The following DIAPH1 variants were observed in gnomAD, a reference collection of about 807,000 sequenced individuals.
DIAPH1 encodes protein diaphanous homolog 1.
Under a neutral mutation model 140.7 loss-of-function variants are expected in DIAPH1, and 46 were observed. The observed-to-expected ratio is 0.33, with a 90% confidence interval of 0.26 to 0.42. The LOEUF is 0.42. Among genes scored for constraint, DIAPH1 ranks in the 10% least tolerant of loss-of-function variants. DIAPH1 has a pLI of 1.00. For synonymous variants in DIAPH1, 565 were observed against 551.6 expected (o/e 1.02, Z -0.34); for missense variants, 1,310 against 1,558.7 (o/e 0.84, Z 2.69).
chr5:141,568,883 C>T (rs2099894754), intron 18 of DIAPH1, among the ~76,000 whole-genome samples: 2 of 152,126 alleles, frequency 1.3e-5, no homozygotes. Context: ...TGGCAACCAC[C>T]TGGACTGAAA....
chr5:141,618,976 CCCG>C lies in DIAPH1; in HGVS notation c.-65_-63del, dbSNP rs1224813404. The C allele has an allele frequency of 2.1e-5, 19 of 897,582 alleles. No individual in the cohort carries two copies. Among genetic ancestry groups the C allele is most frequent in the South Asian group, 1.3e-4 (5 of 39,446 alleles). 55.6% of individuals were successfully genotyped at this position (897,582 alleles called of 1,614,324 possible). A position where few individuals can be genotyped will look rare whatever the true frequency, so the allele number is the denominator to read the frequency against. On this transcript the variant is annotated 5_prime_UTR_variant, in exon 1 of 28. Transcript: ENST00000389054. ...GCCGCTCCCGCCTGGCAGCTCCGCG[CCCG>C]CCGCCGCCCAGTCGCTCTTTAGCCA...
intron 1 of DIAPH1, among the ~76,000 whole-genome samples, chr5:141,596,970 A>G (rs1370025009): frequency 6.6e-6 from 1 of 152,202 alleles, no homozygotes; most frequent in Non-Finnish European, 1.5e-5. Context: ...GGTCATTAGA[A>G]GTTTAAAATA....
chr5:141,585,472 G>A (rs565302432), intron 3 of DIAPH1, among the ~76,000 whole-genome samples: 13 of 152,128 alleles, frequency 8.5e-5, no homozygotes, highest in South Asian at 4.2e-4. Context: ...TCAAACAAAC[G>A]GTTTTTTCAA....
Position 141,573,874 on chromosome 5 carries a change from T to A in DIAPH1, c.1976A>T (p.Glu659Val). The A allele has an allele frequency of 6.6e-7, 1 of 1,519,498 alleles. No homozygotes were observed. The highest frequency in any genetic ancestry group is 8.8e-7 in the Non-Finnish European group (1 of 1,137,042). The allele number at this position is 1,519,498 out of a possible 1,614,324, so 94.1% of individuals were successfully genotyped here. A position where few individuals can be genotyped will look rare whatever the true frequency, so the allele number is the denominator to read the frequency against. Residue 659 changes from glutamate to valine, a missense_variant, in exon 16 of 28, where the codon GAG (glutamate) becomes GTG (valine). Glu to Val is a moderately radical substitution (Grantham distance 121). Transcript: ENST00000389054. The stretch of plus-strand genomic sequence containing the variant: ...AGAGGGTGAAGGGATGCCAACACCC[T>A]CAGGCAAAGGAGGGGGTGGAGGGAT... ...ATIPPPPPLP[E>V]GVGIPSPSSL...
At chr5:141,596,457 T>C (rs1023597643) in intron 1 of DIAPH1, among the ~76,000 whole-genome samples, 2 of 152,058 alleles carry the variant, frequency 1.3e-5, no homozygotes, top group African/African-American at 4.8e-5. Flanking sequence ...GAGATCACAT[T>C]GCTGACAACA....
In DIAPH1 at chr5:141,618,835, G is replaced by A. The variant is rs774909066; in HGVS notation, c.80C>T (p.Pro27Leu). 1.8e-5 allele frequency: 28 copies of A among 1,549,490 alleles called. No individual in the cohort carries two copies. Among genetic ancestry groups the A allele is most frequent in the African/African-American group, 1.1e-4 (8 of 72,480 alleles). The change falls in exon 1 of 28, where the codon CCC becomes CTC. Residue 27 changes from proline to leucine, a missense_variant. Physicochemically the swap from Pro to Leu is moderately conservative, Grantham distance 98. Around this residue, in one of 3 missense-constraint regions of DIAPH1, gnomAD observed 377 missense variants for 497.1 expected, o/e 0.76. Coordinates refer to ENST00000389054, the MANE Select transcript of DIAPH1 (RefSeq NM_005219.5). ...KKKGRSPDEL[P>L]SAGGDGGKSK... ...TTTGCCGCCGTCGCCGCCCGCCGAG[G>A]GCAGCTCATCTGGGCTCCGGCCCTT...
chr5:141,576,914 T>C, intron 12 of DIAPH1, 43 bp from the exon 13 acceptor site: 1 of 1,240,564 alleles, frequency 8.1e-7, no homozygotes, highest in Non-Finnish European at 1.2e-6. Flanking sequence ...AAAATCAAAA[T>C]ATAATTTTCA....
chr5:141,524,253 A>T, intron 26 of DIAPH1, 24 bp from the exon 27 acceptor site: 1 of 1,603,408 alleles, frequency 6.2e-7, no homozygotes. Flanking sequence ...CAAGATGGAG[A>T]TGTGAACTCT....
At chr5:141,533,220 G>A (rs914736060) in intron 19 of DIAPH1, among the ~76,000 whole-genome samples, 1 of 152,156 alleles carries the variant, frequency 6.6e-6, no homozygotes, top group African/African-American at 2.4e-5. Context: ...ATGCCTAATA[G>A]AGCCTATAAC....
At chr5:141,580,637 C>T in intron 8 of DIAPH1, 107 bp downstream of exon 8, 1 of 1,091,646 alleles carries the variant, frequency 9.2e-7, no homozygotes, top group Non-Finnish European at 1.4e-6. Flanking sequence ...CACAATCTTA[C>T]CTAGTATTTA....
chr5:141,528,378 C>G, intron 23 of DIAPH1, 75 bp downstream of exon 23: 2 of 1,602,910 alleles, frequency 1.2e-6, no homozygotes, highest in Non-Finnish European at 1.7e-6. Context: ...AAAATGCTCT[C>G]ACATCTAGAC....
At chr5:141,540,124 T>G (rs1194755289) in intron 18 of DIAPH1, among the ~76,000 whole-genome samples, 1 of 151,878 alleles carries the variant, frequency 6.6e-6, no homozygotes, top group Non-Finnish European at 1.5e-5. Flanking sequence ...GTTGTTTTTT[T>G]TCTTTTTTTT....
intron 3 of DIAPH1, among the ~76,000 whole-genome samples, chr5:141,586,595 T>G (rs1245628743): frequency 6.6e-6 from 1 of 152,222 alleles, no homozygotes; most frequent in East Asian, 1.9e-4. Flanking sequence ...CTTCTAGCAA[T>G]TCTATGTATT....
Position 141,580,853 on chromosome 5 carries a change from C to T in DIAPH1, c.715G>A (p.Glu239Lys), listed in dbSNP as rs2099896651. 3 of 1,614,194 alleles carry T rather than the reference C, an allele frequency of 1.9e-6. No homozygotes were observed. The highest frequency in any genetic ancestry group is 2.5e-6 in the Non-Finnish European group (3 of 1,180,030). The part of the protein sequence containing the change: ...FGIKTMLETE[E>K]GILLLVRAMD... ...GCTCTGACCAGCAGTAGGATTCCTT[C>T]TTCTGTCTCCAACATGGTCTTGATT... is the stretch of plus-strand genomic sequence containing the variant. Residue 239 changes from glutamate to lysine, a missense_variant, in exon 8 of 28, where the codon GAA becomes AAA. This residue lies in a region of DIAPH1 where 377 missense variants were observed against 497.1 expected (regional missense o/e 0.76). Coordinates refer to ENST00000389054, the MANE Select transcript of DIAPH1 (RefSeq NM_005219.5).
intron 18 of DIAPH1, among the ~76,000 whole-genome samples, chr5:141,562,860 T>A (rs1596369569): frequency 6.6e-6 from 1 of 152,304 alleles, no homozygotes; most frequent in Admixed American, 6.5e-5. Flanking sequence ...TTCTAGTATG[T>A]AGTAAGAGAG....
rs1258855952 is a variant in DIAPH1, at chr5:141,516,920, C to T, written c.3750G>A (p.Val1250=). The T allele has an allele frequency of 6.8e-6, 11 of 1,614,246 alleles. No individual in the cohort carries two copies. Among genetic ancestry groups the T allele is most frequent in the South Asian group, 1.1e-5 (1 of 91,086 alleles). Residue 1250 remains valine (V), a synonymous_variant, in exon 28 of 28, where the codon GTG becomes GTA. Coordinates refer to ENST00000389054, the MANE Select transcript of DIAPH1 (RefSeq NM_005219.5). The part of the protein sequence containing the change: ...DDAMAAVPAK[V]SKNSETFPTI... ...TGGGGAATGTCTCACTGTTCTTGGA[C>T]ACCTTGGCAGGAACAGCAGCCATGG...
Position 141,580,871 on chromosome 5 carries a change from T to C in DIAPH1, c.697A>G (p.Thr233Ala). ...ATTCCTTCTTCTGTCTCCAACATGG[T>C]CTTGATTCCAAACTGGTAGGACCAA... ...AFMNNKFGIK[T>A]MLETEEGILL... The change falls in exon 8 of 28, where the codon ACC becomes GCC. Residue 233 changes from threonine (T) to alanine (A), a missense_variant. Thr to Ala is a moderately conservative substitution (Grantham distance 58, BLOSUM62 0). Around this residue, in one of 3 missense-constraint regions of DIAPH1, gnomAD observed 377 missense variants for 497.1 expected, o/e 0.76. Transcript: ENST00000389054. The C allele has an allele frequency of 6.2e-7, 1 of 1,614,152 alleles. No individual in the cohort carries two copies. The highest frequency in any genetic ancestry group is 8.5e-7 in the Non-Finnish European group (1 of 1,180,028).
At chr5:141,567,393 G>A (rs904620234) in intron 18 of DIAPH1, among the ~76,000 whole-genome samples, 1 of 151,992 alleles carries the variant, frequency 6.6e-6, no homozygotes, top group African/African-American at 2.4e-5. Flanking sequence ...AAATCACAAG[G>A]GACTATTATC....
intron 19 of DIAPH1, among the ~76,000 whole-genome samples, chr5:141,532,367 G>A (rs1332616432): frequency 2.0e-5 from 3 of 152,098 alleles, no homozygotes; most frequent in Admixed American, 6.6e-5. Flanking sequence ...CAGGGGTCTT[G>A]CTTTGTTTCC....
Sources: gnomAD v4.1 joint callset for allele counts (sites outside exome capture counted in the v4.1 genomes callset) on GRCh38, gnomAD v4.1.1 for gene constraint, gnomAD v4.1.1 regional missense constraint, MANE v1.5 for transcripts, NCBI Gene and HGNC (gene_info 2026-07-23, HGNC 2026-07-21) for gene names.